The following SFXN4 variants were observed in gnomAD, a reference collection of about 807,000 sequenced individuals.
SFXN4 encodes the protein sideroflexin 4.
In SFXN4, 48 loss-of-function variants were observed where a neutral mutation model predicts 54.6. That is an observed-to-expected ratio of 0.88 (90% CI 0.70 to 1.12). The LOEUF (loss-of-function observed/expected upper bound fraction) is 1.12. SFXN4 is among the 50% of genes most tolerant of loss of function. SFXN4 has a pLI of 0.00. For missense variants in SFXN4, 383 were observed against 409.2 expected (o/e 0.94, Z 0.55); for synonymous variants, 130 against 145.5 (o/e 0.89, Z 0.77).
At chr10:119,156,789 T>C in intron 9 of SFXN4, 33 bp from the exon 10 acceptor site, 1 of 1,541,460 alleles carries the variant, frequency 6.5e-7, no homozygotes, top group Non-Finnish European at 8.9e-7. Flanking sequence ...CATTATTTCA[T>C]GGGACTGAAA....
chr10:119,146,332 G>A lies in SFXN4; in HGVS notation c.840C>T (p.Asn280=). 6.2e-7 allele frequency: 1 copy of A among 1,611,814 alleles called. No individual in the cohort carries two copies. Among genetic ancestry groups the A allele is most frequent in the East Asian group, 2.2e-5 (1 of 44,840 alleles). Residue 280 remains asparagine (N), a synonymous_variant, in exon 13 of 14, where the codon AAC becomes AAT. Coordinates refer to ENST00000355697, the MANE Select transcript of SFXN4 (RefSeq NM_213649.2). ...FFKRTQYFRK[N]PGSLWILKLS... is the part of the protein sequence containing the mutation. ...GTTTCAAAATCCACAATGACCCTGGGTTTTTCCTGAAATACTGGGTCCTGT... is the reference window on the plus strand; with the variant it reads ...GTTTCAAAATCCACAATGACCCTGGATTTTTCCTGAAATACTGGGTCCTGT...
intron 13 of SFXN4, among the ~76,000 whole-genome samples, chr10:119,144,274 G>A (rs1846687276): frequency 6.6e-6 from 1 of 152,102 alleles, no homozygotes; most frequent in African/African-American, 2.4e-5. Context: ...GGCTAACATG[G>A]TGAAACCCCA....
intron 1 of SFXN4, chr10:119,165,105 T>C (rs1478581750): frequency 1.9e-6 from 1 of 539,082 alleles, no homozygotes; most frequent in African/African-American, 2.1e-5. Flanking sequence ...TGGACGGTGC[T>C]GCCCTAGACG....
intron 11 of SFXN4, among the ~76,000 whole-genome samples, chr10:119,150,545 G>T (rs1847023136): frequency 6.6e-6 from 1 of 151,934 alleles, no homozygotes; most frequent in African/African-American, 2.4e-5. Context: ...AGCCATGTAT[G>T]GCGGTGCACA....
At chr10:119,151,204 C>T (rs1385526398) in intron 11 of SFXN4, among the ~76,000 whole-genome samples, 1 of 152,050 alleles carries the variant, frequency 6.6e-6, no homozygotes, top group Non-Finnish European at 1.5e-5. Context: ...CCCGTCTCTA[C>T]TAAAAATACA....
intron 11 of SFXN4, among the ~76,000 whole-genome samples, chr10:119,153,215 C>T (rs1056213580): frequency 4.6e-5 from 7 of 151,674 alleles, no homozygotes; most frequent in Admixed American, 6.6e-5. Context: ...GTTTGAGACA[C>T]GACTGGGCAA....
intron 10 of SFXN4, 69 bp downstream of exon 10, chr10:119,156,609 G>T: frequency 8.1e-7 from 1 of 1,239,544 alleles, no homozygotes; most frequent in East Asian, 2.5e-5. Context: ...TGCCTCTGGA[G>T]ATGAAGGAAG....
intron 13 of SFXN4, among the ~76,000 whole-genome samples, chr10:119,144,186 G>A (rs1281245677): frequency 1.3e-5 from 2 of 152,180 alleles, no homozygotes; most frequent in South Asian, 2.1e-4. Flanking sequence ...GCCGGGCGTG[G>A]TGGCTCACGC....
chr10:119,150,877 G>A (rs1227549273), intron 11 of SFXN4, among the ~76,000 whole-genome samples: 3 of 152,064 alleles, frequency 2.0e-5, no homozygotes, highest in East Asian at 1.9e-4. Context: ...CAACCCAAAC[G>A]TCCACCGCCG....
At position 119,141,136 on chromosome 10, in the gene SFXN4, A is replaced by G. The variant is rs1230157988; in HGVS notation, c.*106T>C. 1.4e-6 allele frequency: 1 copy of G among 731,800 alleles called. No individual in the cohort carries two copies. The highest frequency in any genetic ancestry group is 1.8e-5 in the African/African-American group (1 of 55,156). 45.3% of individuals were successfully genotyped at this position (731,800 alleles called of 1,614,324 possible). On this transcript the variant is annotated 3_prime_UTR_variant, in exon 14 of 14. Transcript: ENST00000355697. ...ATCTGAAGTCGCCTTGTCAGCACAG[A>G]CACCTCTGGGGTCCCCAGAAGACCT... is the stretch of plus-strand genomic sequence containing the variant.
intron 13 of SFXN4, among the ~76,000 whole-genome samples, chr10:119,144,563 A>G (rs1043381638): frequency 5.1e-5 from 5 of 98,668 alleles, no homozygotes; most frequent in Middle Eastern, 6.5e-3. Context: ...TTCTGACTTA[A>G]AAAAAAAAAA....
chr10:119,155,415 G>A (rs924600846), intron 10 of SFXN4, among the ~76,000 whole-genome samples: 4 of 152,202 alleles, frequency 2.6e-5, no homozygotes, highest in African/African-American at 9.6e-5. Flanking sequence ...CCTGGGACCA[G>A]CTTCCAGCAC....
chr10:119,161,214 G>A, intron 3 of SFXN4, 133 bp from the exon 4 acceptor site: 1 of 792,758 alleles, frequency 1.3e-6, no homozygotes, highest in East Asian at 2.7e-5. Context: ...GAACTACTGG[G>A]TTCAAACGAT....
Position 119,141,302 on chromosome 10 carries a change from A to G in SFXN4, c.954T>C (p.Leu318=), listed in dbSNP as rs1408793347. 3.7e-6 allele frequency: 6 copies of G among 1,603,300 alleles called. No individual in the cohort carries two copies. The East Asian group carries it at 1.3e-4, about 36-fold the overall frequency. ...CTGTTGGAGACTGAATTTTCTCTTC[A>G]AGACTACAGTACTGTATCTGAAAAA... The part of the protein sequence containing the change: ...PQIGQIQYCS[L]EEKIQSPTEE... The change falls in exon 14 of 14, where the codon CTT becomes CTC. Residue 318 remains leucine, a synonymous_variant. Transcript: ENST00000355697.
intron 1 of SFXN4, 45 bp downstream of exon 1, chr10:119,165,492 G>GCCCGCC (rs1345973790): frequency 6.6e-7 from 1 of 1,513,976 alleles, no homozygotes; most frequent in South Asian, 1.2e-5. Context: ...ACGCGGCCCG[G>GCCCGCC]CCCGCCCCCT....
In SFXN4 at chr10:119,141,966, C is replaced by T. The variant is rs1229148993; in HGVS notation, c.937-647G>A. Among the ~76,000 whole-genome samples the T allele has an allele frequency of 5.9e-5, 9 of 151,978 alleles. No individual in the cohort carries two copies. The East Asian group carries it at 1.5e-3, about 26-fold the overall frequency. On this transcript the variant is annotated intron_variant, in intron 13 of 13. Transcript: ENST00000355697. ...CTGGGAGGTGGAGGTTACAGTGAGC[C>T]GAGATCAGGAGGATTGCTTGAGGTG...
chr10:119,149,645 G>T (rs1846972301), intron 11 of SFXN4, among the ~76,000 whole-genome samples: 1 of 152,158 alleles, frequency 6.6e-6, no homozygotes, highest in African/African-American at 2.4e-5. Flanking sequence ...AGCTACTCGG[G>T]AGACTGAGGC....
chr10:119,142,110 A>G (rs1402428973), intron 13 of SFXN4, among the ~76,000 whole-genome samples: 1 of 152,142 alleles, frequency 6.6e-6, no homozygotes, highest in African/African-American at 2.4e-5. Context: ...CTGAGGTCAG[A>G]GGATCACTTG....
intron 3 of SFXN4, 125 bp downstream of exon 3, chr10:119,162,215 A>C (rs1393921565): frequency 6.8e-6 from 5 of 739,904 alleles, no homozygotes; most frequent in Non-Finnish European, 9.2e-6. Flanking sequence ...GTGGCTCCCA[A>C]GGGAAGGAAA....
Sources: gnomAD v4.1 joint callset for allele counts (sites outside exome capture counted in the v4.1 genomes callset) on GRCh38, gnomAD v4.1.1 for gene constraint, MANE v1.5 for transcripts, NCBI Gene and HGNC (gene_info 2026-07-23, HGNC 2026-07-21) for gene names.